PRLR: variants seen among roughly 807,000 people sequenced by gnomAD.
The protein encoded by PRLR is hPRL receptor.
In PRLR, 13 loss-of-function variants were observed where a neutral mutation model predicts 40.2. The ratio of observed to expected loss-of-function variants is 0.32; its 90% CI spans 0.21 to 0.51. The LOEUF is 0.51. Among genes scored for constraint, PRLR ranks in the 20% least tolerant of loss-of-function variants. PRLR has a pLI of 0.97. For synonymous variants in PRLR, 269 were observed against 278.7 expected, an observed-to-expected ratio of 0.97 and a Z score of 0.35; for missense variants, 656 against 747.3, an observed-to-expected ratio of 0.88 and a Z score of 1.42.
intron 1 of PRLR, among the ~76,000 whole-genome samples, chr5:35,174,963 T>A (rs1452947768): frequency 6.6e-6 from 1 of 152,212 alleles, no homozygotes; most frequent in East Asian, 1.9e-4. Flanking sequence ...GCTCAGATCA[T>A]GTTAGGTATA....
intron 1 of PRLR, among the ~76,000 whole-genome samples, chr5:35,118,879 C>T (rs571368911): frequency 2.0e-5 from 3 of 152,100 alleles, no homozygotes; most frequent in South Asian, 2.1e-4. Flanking sequence ...TCAACCTCCC[C>T]AGGCTCAGGT....
chr5:35,050,068 A>T (rs1319298509), intron 8 of PRLR, among the ~76,000 whole-genome samples: 4 of 151,900 alleles, frequency 2.6e-5, no homozygotes, highest in Non-Finnish European at 5.9e-5. Flanking sequence ...ATGCCCAGCT[A>T]ATTTTGTATT....
At chr5:35,069,099 T>A (rs1174112665) in intron 7 of PRLR, among the ~76,000 whole-genome samples, 1 of 152,232 alleles carries the variant, frequency 6.6e-6, no homozygotes, top group Non-Finnish European at 1.5e-5. Context: ...TCTAAAAATT[T>A]AAAAATCCTT....
rs770329418 is a variant in PRLR, at chr5:35,086,227, G to A, written c.184C>T (p.Leu62=). ...TCTTACCCTTCCCTGTGGTAAGTCA[G>A]TGAATAATTGGTAGGAAGTCCTCCA... The part of the protein sequence containing the change: ...TDGGLPTNYS[L]TYHREGETLM... Residue 62 remains leucine (L), a synonymous_variant, in exon 4 of 10, where the codon CTG becomes TTG. Coordinates refer to ENST00000618457, the MANE Select transcript of PRLR (RefSeq NM_000949.7). 1.3e-5 allele frequency: 21 copies of A among 1,614,016 alleles called. No individual in the cohort carries two copies. The highest frequency in any genetic ancestry group is 1.7e-5 in the Non-Finnish European group (20 of 1,179,936).
At chr5:35,066,913 A>G (rs1344689654) in intron 9 of PRLR, among the ~76,000 whole-genome samples, 4 of 151,840 alleles carry the variant, frequency 2.6e-5, no homozygotes, top group Non-Finnish European at 4.4e-5. Context: ...ACAGGCGCCC[A>G]CCACCACGCC....
At chr5:35,156,781 T>A (rs1774522171) in intron 1 of PRLR, among the ~76,000 whole-genome samples, 1 of 152,144 alleles carries the variant, frequency 6.6e-6, no homozygotes, top group African/African-American at 2.4e-5. Context: ...GGGATCTCTC[T>A]CCTCCAAACT....
chr5:35,122,239 T>G (rs1162368501), intron 1 of PRLR, among the ~76,000 whole-genome samples: 1 of 152,206 alleles, frequency 6.6e-6, no homozygotes, highest in Admixed American at 6.5e-5. Flanking sequence ...CTTTCTTGTT[T>G]TTTTTTCTTC....
intron 1 of PRLR, among the ~76,000 whole-genome samples, chr5:35,118,337 AT>A (rs951739374): frequency 4.7e-5 from 7 of 150,352 alleles, no homozygotes; most frequent in East Asian, 2.0e-4. Context: ...AAAAAAAAAA[AT>A]CTCATATACC....
At chr5:35,190,615 GAAA>G (rs59704593) in intron 1 of PRLR, among the ~76,000 whole-genome samples, 1 of 148,372 alleles carries the variant, frequency 6.7e-6, no homozygotes. Context: ...TTTGCCTCAG[GAAA>G]AAAAAAAAAA....
chr5:35,076,521 G>T (rs549266440), intron 5 of PRLR, among the ~76,000 whole-genome samples: 1 of 152,220 alleles, frequency 6.6e-6, no homozygotes, highest in South Asian at 2.1e-4. Flanking sequence ...AATGAACAAG[G>T]CCTCCAAGAT....
intron 2 of PRLR, among the ~76,000 whole-genome samples, chr5:35,099,874 G>A (rs1486535699): frequency 6.6e-6 from 1 of 152,116 alleles, no homozygotes; most frequent in African/African-American, 2.4e-5. Flanking sequence ...TTTAAGCCAA[G>A]TATTATTACA....
chr5:35,199,508 C>T (rs1015193867), intron 1 of PRLR, among the ~76,000 whole-genome samples: 3 of 151,982 alleles, frequency 2.0e-5, no homozygotes, highest in Admixed American at 6.6e-5. Context: ...ATCAATTTAC[C>T]TTAAAGGGAG....
intron 1 of PRLR, among the ~76,000 whole-genome samples, chr5:35,188,146 G>T (rs1775497764): frequency 6.6e-6 from 1 of 152,220 alleles, no homozygotes; most frequent in Admixed American, 6.5e-5. Context: ...TTGCTAGGAA[G>T]AAACTAGCCG....
At chr5:35,153,777 C>CACA (rs200470693) in intron 1 of PRLR, among the ~76,000 whole-genome samples, 1,716 of 145,766 alleles carry the variant, frequency 0.012, 37 homozygotes, top group African/African-American at 0.041. Context: ...ACACACACAC[C>CACA]CCATTGTTAT....
chr5:35,183,020 C>T (rs565172823), intron 1 of PRLR, among the ~76,000 whole-genome samples: 28 of 152,278 alleles, frequency 1.8e-4, no homozygotes, highest in African/African-American at 6.7e-4. Context: ...TTAGCAACAA[C>T]CTGAGACGTT....
At chr5:35,224,305 G>A (rs926001718) in intron 1 of PRLR, among the ~76,000 whole-genome samples, 5 of 152,174 alleles carry the variant, frequency 3.3e-5, no homozygotes, top group Non-Finnish European at 7.3e-5. Flanking sequence ...GGGAGAAGGT[G>A]ACTTTTTAGA....
chr5:35,070,113 A>G lies in PRLR; in HGVS notation c.685+11T>C, dbSNP rs775637431. On this transcript the variant is annotated intron_variant, in intron 7 of 9. Transcript: ENST00000618457. ...TTAGGGACATAAGCAAAAAAGAGCC[A>G]AGACGCTCACCACTAGGTATCTGAA... is the stretch of plus-strand genomic sequence containing the variant. 75 of 1,594,436 alleles carry G rather than the reference A, an allele frequency of 4.7e-5. No individual in the cohort carries two copies. The African/African-American group carries it at 9.7e-4, about 21-fold the overall frequency.
intron 1 of PRLR, among the ~76,000 whole-genome samples, chr5:35,222,767 T>C (rs1266629914): frequency 6.6e-6 from 1 of 152,186 alleles, no homozygotes; most frequent in Non-Finnish European, 1.5e-5. Context: ...AATTCTAATT[T>C]CACCTCCCTG....
chr5:35,203,255 C>A (rs1288957663), intron 1 of PRLR, among the ~76,000 whole-genome samples: 1 of 152,174 alleles, frequency 6.6e-6, no homozygotes, highest in African/African-American at 2.4e-5. Context: ...TGGATGGATT[C>A]TTATGCCATA....
Sources: gnomAD v4.1 joint callset for allele counts (sites outside exome capture counted in the v4.1 genomes callset) on GRCh38, gnomAD v4.1.1 for gene constraint, MANE v1.5 for transcripts, NCBI Gene and HGNC (gene_info 2026-07-23, HGNC 2026-07-21) for gene names.